CCDC66: variants seen among roughly 807,000 people sequenced by gnomAD.
CCDC66 encodes coiled-coil domain containing 66, also known as coiled-coil domain-containing protein 66.
CCDC66 carries 133 observed loss-of-function variants against 128.3 expected under a neutral mutation model. That is an observed-to-expected ratio of 1.04 (90% CI 0.90 to 1.20). The LOEUF (loss-of-function observed/expected upper bound fraction) is 1.20, where lower values mean the gene tolerates loss of function less well. Ranked by LOEUF, CCDC66 falls within the 50% of genes most tolerant of loss-of-function variation. The pLI is 0.00. For missense variants in CCDC66, 1,126 were observed against 1,075.5 expected, an observed-to-expected ratio of 1.05 and a Z score of -0.66; for synonymous variants, 387 against 357.0, an observed-to-expected ratio of 1.08 and a Z score of -0.95.
At chr3:56,619,615 T>C in intron 16 of CCDC66, 88 bp downstream of exon 16, 1 of 1,499,078 alleles carries the variant, frequency 6.7e-7, no homozygotes, top group Non-Finnish European at 9.0e-7. Context: ...TAGTAATTCC[T>C]GCACTTAGTT....
At position 56,619,429 on chromosome 3, in the gene CCDC66, T is replaced by G; in HGVS notation, c.2537T>G (p.Phe846Cys). The part of the protein sequence containing the change: ...LSSGISESSH[F>C]IPYVRTNEIY... Reference sequence around the variant, plus strand: ...TCTGGGATTTCTGAATCATCCCATTTTATTCCGTATGTTCGAACAAATGAG... The same window carrying G: ...TCTGGGATTTCTGAATCATCCCATTGTATTCCGTATGTTCGAACAAATGAG... Residue 846 changes from phenylalanine (F) to cysteine (C), a missense_variant, in exon 16 of 18, where the codon TTT becomes TGT. By Grantham distance (205) the Phe-to-Cys change is radical. Transcript: ENST00000394672. 1.9e-6 allele frequency: 3 copies of G among 1,614,100 alleles called. No homozygotes were observed. Among genetic ancestry groups the G allele is most frequent in the Non-Finnish European group, 2.5e-6 (3 of 1,179,988 alleles).
At chr3:56,558,620 T>C in intron 1 of CCDC66, 1 of 511,438 alleles carries the variant, frequency 2.0e-6, no homozygotes, top group Non-Finnish European at 3.5e-6. Flanking sequence ...AGGTTAATGA[T>C]AACAATGCTT....
intron 10 of CCDC66, among the ~76,000 whole-genome samples, chr3:56,612,535 A>C (rs2074984400): frequency 6.6e-6 from 1 of 152,076 alleles, no homozygotes; most frequent in Admixed American, 6.5e-5. Context: ...GAATGGTGAC[A>C]GTGGGTTGGG....
chr3:56,613,281 CT>C (rs1274048743), intron 10 of CCDC66, among the ~76,000 whole-genome samples: 1 of 152,114 alleles, frequency 6.6e-6, no homozygotes, highest in Non-Finnish European at 1.5e-5. Flanking sequence ...TGTAGGAGTC[CT>C]TGATGGGCAT....
chr3:56,613,642 A>C lies in CCDC66; in HGVS notation c.1458A>C (p.Glu486Asp), dbSNP rs1435540645. The change falls in exon 11 of 18, where the codon GAA becomes GAC. Residue 486 changes from glutamate to aspartate, a missense_variant. Transcript: ENST00000394672. ...EEKRRKKQLE[E>D]EQRKKEEQEE... Reference sequence around the variant, plus strand: ...AGCGCAGGAAGAAACAACTGGAGGAAGAGCAAAGAAAGAAGGAAGAACAAG... The same window carrying C: ...AGCGCAGGAAGAAACAACTGGAGGACGAGCAAAGAAAGAAGGAAGAACAAG... 1 of 1,614,032 alleles carries C rather than the reference A, an allele frequency of 6.2e-7. No homozygotes were observed. Among genetic ancestry groups the C allele is most frequent in the South Asian group, 1.1e-5 (1 of 91,080 alleles).
chr3:56,563,083 G>A lies in CCDC66; in HGVS notation c.103-601G>A, dbSNP rs547454787. Among the ~76,000 whole-genome samples, 5 of 152,088 alleles carry A rather than the reference G, an allele frequency of 3.3e-5. No homozygotes were observed. In the South Asian group the frequency reaches 8.3e-4, roughly 25 times the overall value. Reference sequence around the variant, plus strand: ...GTCTTTATAATAATAAAAAATGGCTGGGCTTGGTGGCTCACGCCTGTAATC... The same window carrying A: ...GTCTTTATAATAATAAAAAATGGCTAGGCTTGGTGGCTCACGCCTGTAATC... On this transcript the variant is annotated intron_variant, in intron 3 of 17. Coordinates refer to ENST00000394672, the MANE Select transcript of CCDC66 (RefSeq NM_001141947.3).
At chr3:56,562,076 C>G (rs1218122154) in intron 3 of CCDC66, among the ~76,000 whole-genome samples, 1 of 151,120 alleles carries the variant, frequency 6.6e-6, no homozygotes, top group Admixed American at 6.6e-5. Flanking sequence ...GGCTCTCTCT[C>G]TTTGTCCAGG....
intron 7 of CCDC66, among the ~76,000 whole-genome samples, chr3:56,571,991 G>C (rs2066696047): frequency 6.6e-6 from 1 of 152,198 alleles, no homozygotes; most frequent in Admixed American, 6.5e-5. Context: ...GAGTAGCTGG[G>C]ATTGTAGGTG....
At chr3:56,596,409 G>GGTGT (rs368908401) in intron 10 of CCDC66, among the ~76,000 whole-genome samples, 2 of 151,906 alleles carry the variant, frequency 1.3e-5, no homozygotes, top group African/African-American at 2.4e-5. Context: ...TTGGATTTTT[G>GGTGT]GTGTGTGTGT....
At chr3:56,608,991 T>C (rs1038007865) in intron 10 of CCDC66, among the ~76,000 whole-genome samples, 6 of 152,200 alleles carry the variant, frequency 3.9e-5, no homozygotes, top group Non-Finnish European at 7.4e-5. Context: ...ATTTCAGTTT[T>C]CTTAAATTTA....
At chr3:56,569,835 G>A (rs73081825) in intron 6 of CCDC66, 1 of 151,992 alleles carries the variant, frequency 6.6e-6, no homozygotes, top group Non-Finnish European at 1.5e-5. Flanking sequence ...AATCATTTTT[G>A]TTGTTGTTGT....
intron 7 of CCDC66, among the ~76,000 whole-genome samples, chr3:56,590,336 G>T (rs2070655620): frequency 6.6e-6 from 1 of 152,188 alleles, no homozygotes; most frequent in Admixed American, 6.6e-5. Context: ...GCTGCCATTT[G>T]TACAGCATTT....
At chr3:56,581,116 T>C (rs2068286639) in intron 7 of CCDC66, among the ~76,000 whole-genome samples, 1 of 138,078 alleles carries the variant, frequency 7.2e-6, no homozygotes, top group African/African-American at 2.7e-5. Context: ...TTTTTACTCT[T>C]TTTTCTCTAA....
At chr3:56,606,527 G>A (rs1204535639) in intron 10 of CCDC66, among the ~76,000 whole-genome samples, 1 of 151,934 alleles carries the variant, frequency 6.6e-6, no homozygotes, top group Non-Finnish European at 1.5e-5. Flanking sequence ...CCCTTGGGTA[G>A]GGAAGAGATT....
intron 6 of CCDC66, 44 bp from the exon 7 acceptor site, chr3:56,571,137 T>A (rs1483362501): frequency 7.2e-7 from 1 of 1,396,056 alleles, no homozygotes; most frequent in African/African-American, 1.5e-5. Flanking sequence ...TGGTTCTGTT[T>A]TTACAGTTTT....
rs1005401014 is a variant in CCDC66 at position 56,571,378 on chromosome 3, A to T, written c.936+76A>T. Reference sequence around the variant, plus strand: ...TAGAATTTATTTTTAAAGCTTATTAAAAAAAAAAAGTTTTTTTTTTGAGAC... The same window carrying T: ...TAGAATTTATTTTTAAAGCTTATTATAAAAAAAAAGTTTTTTTTTTGAGAC... On this transcript the variant is annotated intron_variant, in intron 7 of 17. Coordinates refer to ENST00000394672, the MANE Select transcript of CCDC66 (RefSeq NM_001141947.3). The T allele has an allele frequency of 2.5e-4, 235 of 941,710 alleles. 2 individuals are homozygous for T. The highest frequency in any genetic ancestry group is 3.1e-4 in the Non-Finnish European group (211 of 673,188). The allele number at this position is 941,710 out of a possible 1,614,324, so 58.3% of individuals were successfully genotyped here.
chr3:56,579,301 C>A lies in CCDC66; in HGVS notation c.936+7999C>A, dbSNP rs550588674. Among the ~76,000 whole-genome samples, 303 of 151,704 alleles carry A rather than the reference C, an allele frequency of 2.0e-3. 14 individuals carry two copies. In the South Asian group the frequency reaches 0.058, roughly 29 times the overall value. On this transcript the variant is annotated intron_variant, in intron 7 of 17. Coordinates refer to ENST00000394672, the MANE Select transcript of CCDC66 (RefSeq NM_001141947.3). ...CATCTATTTGATTCTTCTCTCTTTTCTTCTTTATTAGTCTTGCTAGTGGTC... is the reference window on the plus strand; with the variant it reads ...CATCTATTTGATTCTTCTCTCTTTTATTCTTTATTAGTCTTGCTAGTGGTC...
chr3:56,616,983 G>T lies in CCDC66; in HGVS notation c.1844-129G>T, dbSNP rs905129441. ...TGTTCTTTAATGAGTATAGAGGTTC[G>T]GTTTTGTTGAAAATTAATGAAAGAA... On this transcript the variant is annotated intron_variant, in intron 13 of 17. Transcript: ENST00000394672. 1.2e-5 allele frequency: 9 copies of T among 726,932 alleles called. No individual in the cohort carries two copies. The South Asian group carries it at 1.6e-4, about 13-fold the overall frequency. The allele number at this position is 726,932 out of a possible 1,614,324, so 45.0% of individuals were successfully genotyped here.
chr3:56,619,286 A>G lies in CCDC66; in HGVS notation c.2394A>G (p.Pro798=). The G allele has an allele frequency of 6.3e-7, 1 of 1,598,526 alleles. No individual in the cohort carries two copies. Among genetic ancestry groups the G allele is most frequent in the Non-Finnish European group, 8.5e-7 (1 of 1,174,200 alleles). The change falls in exon 16 of 18, where the codon CCA becomes CCG. Residue 798 remains proline (P), a synonymous_variant. Coordinates refer to ENST00000394672, the MANE Select transcript of CCDC66 (RefSeq NM_001141947.3). ...TTTTAAATAGGTCTCCATCATCACCAGTTCCAGTAGTGAAAAACAGAACCC... is the reference window on the plus strand; with the variant it reads ...TTTTAAATAGGTCTCCATCATCACCGGTTCCAGTAGTGAAAAACAGAACCC... ...SFSKERSPSS[P]VPVVKNRTQQ...
Sources: gnomAD v4.1 joint callset for allele counts (sites outside exome capture counted in the v4.1 genomes callset) on GRCh38, gnomAD v4.1.1 for gene constraint, MANE v1.5 for transcripts, NCBI Gene and HGNC (gene_info 2026-07-23, HGNC 2026-07-21) for gene names.